GRIK2: variants seen among roughly 807,000 people sequenced by gnomAD.
The protein encoded by GRIK2 is glutamate receptor ionotropic, kainate 2.
GRIK2 carries 32 observed loss-of-function variants against 100.3 expected under a neutral mutation model. The ratio of observed to expected loss-of-function variants is 0.32; its 90% CI spans 0.24 to 0.43. The LOEUF (loss-of-function observed/expected upper bound fraction) is 0.43, where lower values mean the gene tolerates loss of function less well. GRIK2 is among the 20% of genes least tolerant of loss of function. The pLI is 1.00. For synonymous variants in GRIK2, 417 were observed against 389.4 expected, an observed-to-expected ratio of 1.07 and a Z score of -0.83; for missense variants, 843 against 1,114.9, an observed-to-expected ratio of 0.76 and a Z score of 3.47.
chr6:101,486,395 G>GC (rs947354836), intron 2 of GRIK2, among the ~76,000 whole-genome samples: 1 of 137,670 alleles, frequency 7.3e-6, no homozygotes, highest in Admixed American at 7.3e-5. Context: ...GTGGGGCGGG[G>GC]GGGGGAAGCT....
intron 9 of GRIK2, among the ~76,000 whole-genome samples, chr6:101,805,189 TCA>T (rs747113867): frequency 6.6e-6 from 1 of 151,826 alleles, no homozygotes; most frequent in Non-Finnish European, 1.5e-5. Flanking sequence ...CTGATGGAAT[TCA>T]CAGTTTAGAA....
chr6:101,974,303 G>A (rs948137658), intron 14 of GRIK2, among the ~76,000 whole-genome samples: 7 of 151,924 alleles, frequency 4.6e-5, no homozygotes, highest in South Asian at 2.1e-4. Context: ...AAATGTGCAA[G>A]ATTCTGTGGA....
At chr6:101,680,360 A>G (rs1276014174) in intron 5 of GRIK2, among the ~76,000 whole-genome samples, 1 of 152,174 alleles carries the variant, frequency 6.6e-6, no homozygotes, top group Non-Finnish European at 1.5e-5. Flanking sequence ...ATTGTTCTAC[A>G]ACTTTGAGAA....
Position 101,566,598 on chromosome 6 carries a change from TA to T in GRIK2, c.116-55350del, listed in dbSNP as rs1777288535. On this transcript the variant is annotated intron_variant, in intron 2 of 16. Coordinates refer to ENST00000369134, the MANE Select transcript of GRIK2 (RefSeq NM_021956.5). ...CTAAGAAACAACAACTTTACTAATGTATCTTTCCATAGTATATTCATCCAGT... is the reference window on the plus strand; with the variant it reads ...CTAAGAAACAACAACTTTACTAATGTTCTTTCCATAGTATATTCATCCAGT... Among the ~76,000 whole-genome samples, 4 of 151,762 alleles carry T rather than the reference TA, an allele frequency of 2.6e-5. No homozygotes were observed. The South Asian group carries it at 8.3e-4, about 31-fold the overall frequency.
chr6:101,481,692 A>G (rs759749795), intron 2 of GRIK2, among the ~76,000 whole-genome samples: 3 of 152,152 alleles, frequency 2.0e-5, no homozygotes, highest in Non-Finnish European at 4.4e-5. Context: ...CCTAAGAAGT[A>G]TTTTAAATAT....
intron 14 of GRIK2, among the ~76,000 whole-genome samples, chr6:101,986,350 T>A (rs572104187): frequency 1.8e-4 from 27 of 152,030 alleles, no homozygotes; most frequent in African/African-American, 6.0e-4. Context: ...GTGAGAGAGT[T>A]ATACTTCACA....
At chr6:101,751,266 T>C (rs1239587952) in intron 7 of GRIK2, among the ~76,000 whole-genome samples, 1 of 151,990 alleles carries the variant, frequency 6.6e-6, no homozygotes, top group Non-Finnish European at 1.5e-5. Flanking sequence ...TTTTTTTATT[T>C]TTACTTTTTA....
chr6:101,441,016 T>C (rs1770018394), intron 2 of GRIK2, among the ~76,000 whole-genome samples: 1 of 151,332 alleles, frequency 6.6e-6, no homozygotes, highest in African/African-American at 2.4e-5. Context: ...TCTGTCTTGC[T>C]GCTCAGGACA....
intron 12 of GRIK2, among the ~76,000 whole-genome samples, chr6:101,922,593 G>A: frequency 6.6e-6 from 1 of 152,096 alleles, no homozygotes; most frequent in East Asian, 1.9e-4. Flanking sequence ...TCAAAGTATT[G>A]AATATTTGCC....
chr6:101,945,448 G>T (rs1302549082), intron 14 of GRIK2, among the ~76,000 whole-genome samples: 3 of 151,998 alleles, frequency 2.0e-5, no homozygotes, highest in Non-Finnish European at 2.9e-5. Flanking sequence ...CAATGCTGTT[G>T]CTCACCTCTC....
intron 14 of GRIK2, among the ~76,000 whole-genome samples, chr6:101,979,296 T>C (rs907473037): frequency 2.1e-4 from 32 of 151,876 alleles, no homozygotes; most frequent in Non-Finnish European, 1.5e-5. Context: ...TTTTAAAGCA[T>C]GTTAGAGTTT....
chr6:101,858,648 C>A (rs1562443810), intron 10 of GRIK2, among the ~76,000 whole-genome samples: 1 of 151,948 alleles, frequency 6.6e-6, no homozygotes. Flanking sequence ...CTTGGCCTCC[C>A]AAAGTGCTGG....
chr6:101,482,516 C>G (rs139613266), intron 2 of GRIK2, among the ~76,000 whole-genome samples: 2,097 of 151,866 alleles, frequency 0.014, 32 homozygotes, highest in Non-Finnish European at 0.018. Flanking sequence ...TTTTATGCAG[C>G]GAAAACACTG....
chr6:101,715,782 A>G (rs1393621986), intron 7 of GRIK2, among the ~76,000 whole-genome samples: 1 of 151,848 alleles, frequency 6.6e-6, no homozygotes, highest in Non-Finnish European at 1.5e-5. Flanking sequence ...GAAGAATCAC[A>G]GCAAGAGAAC....
At chr6:102,047,582 T>C (rs559211786) in intron 15 of GRIK2, among the ~76,000 whole-genome samples, 5 of 151,912 alleles carry the variant, frequency 3.3e-5, no homozygotes, top group Admixed American at 2.0e-4. Flanking sequence ...ACCCCATCTC[T>C]ACTAAAAATA....
chr6:101,926,102 T>A (rs979453628), intron 13 of GRIK2, among the ~76,000 whole-genome samples: 8 of 151,262 alleles, frequency 5.3e-5, no homozygotes, highest in African/African-American at 1.9e-4. Flanking sequence ...TGAGCTAACC[T>A]AAGTTTGTGG....
chr6:101,681,608 T>C (rs1771261894), intron 5 of GRIK2, among the ~76,000 whole-genome samples: 1 of 152,110 alleles, frequency 6.6e-6, no homozygotes, highest in African/African-American at 2.4e-5. Context: ...ATTAAATTAT[T>C]ATTGACTATA....
intron 14 of GRIK2, among the ~76,000 whole-genome samples, chr6:101,957,407 T>C (rs938710956): frequency 2.7e-4 from 40 of 150,686 alleles, no homozygotes; most frequent in African/African-American, 9.7e-4. Context: ...GTCACACACA[T>C]AGTTTTCAAA....
rs34390251 is a variant in GRIK2, at chr6:101,433,373, TGAC to T, written c.115+33983_115+33985del. ...CTGACTTGCTGCTTTTATACCTGCG[TGAC>T]GTGCAGCAAATTGCTTAACCTTAAT... On this transcript the variant is annotated intron_variant, in intron 2 of 16. Coordinates refer to ENST00000369134, the MANE Select transcript of GRIK2 (RefSeq NM_021956.5). 5.1e-3 allele frequency among the ~76,000 whole-genome samples: 783 copies of T among 152,288 alleles called. 4 individuals carry two copies. The highest frequency in any genetic ancestry group is 0.018 in the African/African-American group (761 of 41,554).
Sources: allele counts gnomAD v4.1 joint callset (sites outside exome capture counted in the v4.1 genomes callset), GRCh38; gene constraint gnomAD v4.1.1; transcripts MANE v1.5; gene names NCBI Gene and HGNC (gene_info 2026-07-23, HGNC 2026-07-21).